IL1R2: variants seen among roughly 807,000 people sequenced by gnomAD.
IL1R2 encodes the protein interleukin 1 receptor type 2, also known as interleukin-1 receptor type 2.
In IL1R2, 46 loss-of-function variants were observed where a neutral mutation model predicts 39.5. The ratio of observed to expected loss-of-function variants is 1.16; its 90% CI spans 0.92 to 1.49. The LOEUF is 1.49. Ranked by LOEUF, IL1R2 falls within the 40% of genes most tolerant of loss-of-function variation. IL1R2 has a pLI of 0.00. For synonymous variants in IL1R2, 207 were observed against 189.6 expected, an observed-to-expected ratio of 1.09 and a Z score of -0.75; for missense variants, 537 against 502.0, an observed-to-expected ratio of 1.07 and a Z score of -0.67.
chr2:101,993,071 G>A (rs969907974), intron 1 of IL1R2, among the ~76,000 whole-genome samples: 3 of 152,044 alleles, frequency 2.0e-5, no homozygotes, highest in Admixed American at 6.5e-5. Flanking sequence ...CGTTTCTACC[G>A]CATGAGGCTG....
chr2:102,028,153 C>T (rs1458205169), intron 8 of IL1R2, 73 bp from the exon 9 acceptor site: 20 of 1,259,036 alleles, frequency 1.6e-5, no homozygotes, highest in Non-Finnish European at 1.9e-5. Flanking sequence ...TTATCTTGTA[C>T]ACCTGCATTG....
intron 8 of IL1R2, among the ~76,000 whole-genome samples, chr2:102,027,344 T>G (rs1677801665): frequency 6.6e-6 from 1 of 152,152 alleles, no homozygotes. Context: ...GTCAGATTAG[T>G]GAGCCCAAGG....
At chr2:102,016,078 C>G (rs1055098290) in intron 4 of IL1R2, 27 bp downstream of exon 4, 2 of 1,566,302 alleles carry the variant, frequency 1.3e-6, no homozygotes, top group African/African-American at 2.7e-5. Flanking sequence ...TGCCATTTTA[C>G]TAAAATGTGT....
intron 4 of IL1R2, among the ~76,000 whole-genome samples, chr2:102,017,265 T>C (rs892678744): frequency 6.6e-6 from 1 of 151,792 alleles, no homozygotes; most frequent in African/African-American, 2.4e-5. Context: ...GGCGTGGTAG[T>C]GGGTGCCAGT....
chr2:102,022,235 T>C lies in IL1R2; in HGVS notation c.737T>C (p.Ile246Thr). Residue 246 changes from isoleucine (I) to threonine (T), a missense_variant, in exon 6 of 9, where the codon ATA (isoleucine) becomes ACA (threonine). Coordinates refer to ENST00000332549, the MANE Select transcript of IL1R2 (RefSeq NM_004633.4). ...IPVIISPLKT[I>T]SASLGSRLTI... is the part of the protein sequence containing the mutation. Reference sequence around the variant, plus strand: ...GTGATCATTTCCCCCCTCAAGACCATATCAGCTTCTCTGGGTAAGGCCCAC... The same window carrying C: ...GTGATCATTTCCCCCCTCAAGACCACATCAGCTTCTCTGGGTAAGGCCCAC... 1 of 1,613,592 alleles carries C rather than the reference T, an allele frequency of 6.2e-7. No homozygotes were observed.
Position 102,024,682 on chromosome 2 carries a change from G to T in IL1R2, c.887+14G>T. ...GGGGCCACGCCAGTAAGTGGGCCAG[G>T]GTCTTCTGTTGAGAACTCTGTGGGT... On this transcript the variant is annotated intron_variant, in intron 7 of 8. Coordinates refer to ENST00000332549, the MANE Select transcript of IL1R2 (RefSeq NM_004633.4). 6.2e-7 allele frequency: 1 copy of T among 1,614,018 alleles called. No individual in the cohort carries two copies. The highest frequency in any genetic ancestry group is 8.5e-7 in the Non-Finnish European group (1 of 1,179,984).
At chr2:102,012,537 C>CTGTGTG (rs140697767) in intron 3 of IL1R2, among the ~76,000 whole-genome samples, 2,728 of 148,940 alleles carry the variant, frequency 0.018, 87 homozygotes, top group African/African-American at 0.063. Context: ...AGGGTGCCCT[C>CTGTGTG]TGTGTGTGTG....
intron 5 of IL1R2, 45 bp downstream of exon 5, chr2:102,019,857 C>A: frequency 5.3e-6 from 8 of 1,523,688 alleles, no homozygotes; most frequent in Non-Finnish European, 7.2e-6. Flanking sequence ...GGTTCAATAA[C>A]AAGCATGCAG....
At chr2:102,013,610 A>C in intron 3 of IL1R2, among the ~76,000 whole-genome samples, 1 of 146,640 alleles carries the variant, frequency 6.8e-6, no homozygotes, top group Admixed American at 6.8e-5. Flanking sequence ...AAAGAGAAAG[A>C]GTAGGCAGTC....
intron 8 of IL1R2, among the ~76,000 whole-genome samples, chr2:102,027,267 T>G (rs1677796719): frequency 6.6e-6 from 1 of 152,132 alleles, no homozygotes; most frequent in Non-Finnish European, 1.5e-5. Context: ...CATTTCCAGA[T>G]GAGCAGGCTG....
chr2:102,007,617 G>A (rs1003497404), intron 1 of IL1R2, among the ~76,000 whole-genome samples: 1 of 152,266 alleles, frequency 6.6e-6, no homozygotes, highest in East Asian at 1.9e-4. Context: ...GAAAAAACAT[G>A]GAATCACAGA....
chr2:102,001,038 C>G (rs1675831573), intron 1 of IL1R2, among the ~76,000 whole-genome samples: 1 of 152,118 alleles, frequency 6.6e-6, no homozygotes, highest in South Asian at 2.1e-4. Context: ...GAGGAGTGGT[C>G]TTGCTGGGTG....
At chr2:102,026,060 C>A (rs779498318) in intron 7 of IL1R2, 51 bp from the exon 8 acceptor site, 43 of 1,430,380 alleles carry the variant, frequency 3.0e-5, no homozygotes, top group Non-Finnish European at 3.9e-5. Context: ...TTGTGAAAGA[C>A]AAGCTTGCAT....
At chr2:101,998,015 T>C (rs558463253) in intron 1 of IL1R2, among the ~76,000 whole-genome samples, 1 of 152,298 alleles carries the variant, frequency 6.6e-6, no homozygotes, top group South Asian at 2.1e-4. Flanking sequence ...AGGCCTTTGC[T>C]CTCTCCCTTT....
In IL1R2 at chr2:101,991,979, C is replaced by G. The variant is rs930071491; in HGVS notation, c.-94C>G. 4 of 152,470 alleles carry G rather than the reference C, an allele frequency of 2.6e-5. No homozygotes were observed. Among genetic ancestry groups the G allele is most frequent in the African/African-American group, 7.3e-5 (3 of 41,316 alleles). The allele number at this position is 152,470 out of a possible 1,614,324, so 9.4% of individuals were successfully genotyped here. A position where few individuals can be genotyped will look rare whatever the true frequency, so the allele number is the denominator to read the frequency against. On this transcript the variant is annotated 5_prime_UTR_variant, in exon 1 of 9. Transcript: ENST00000332549. ...GCTCCTGCTGGAGGTGAAAGTCTGG[C>G]CTGGCAGCCTTCCCCAGGTGAGCAG... is the stretch of plus-strand genomic sequence containing the variant.
At chr2:102,019,076 C>A (rs551646418) in intron 4 of IL1R2, among the ~76,000 whole-genome samples, 16 of 152,184 alleles carry the variant, frequency 1.1e-4, no homozygotes, top group African/African-American at 2.9e-4. Context: ...TTCCTGGAGG[C>A]CTTGATCTTG....
At chr2:101,998,448 TC>T (rs1007555827) in intron 1 of IL1R2, among the ~76,000 whole-genome samples, 4 of 152,240 alleles carry the variant, frequency 2.6e-5, no homozygotes, top group South Asian at 4.1e-4. Flanking sequence ...GATTGAGCAT[TC>T]TGTTCACCTG....
At chr2:102,027,061 T>C (rs1677786753) in intron 8 of IL1R2, among the ~76,000 whole-genome samples, 1 of 152,166 alleles carries the variant, frequency 6.6e-6, no homozygotes, top group African/African-American at 2.4e-5. Flanking sequence ...CACCCAACTT[T>C]CCTCCAACTG....
rs1462731191 is a variant in IL1R2 at position 102,019,715 on chromosome 2, G to A, written c.591G>A (p.Val197=). The change falls in exon 5 of 9, where the codon GTG becomes GTA. Residue 197 remains valine (V), a synonymous_variant. Coordinates refer to ENST00000332549, the MANE Select transcript of IL1R2 (RefSeq NM_004633.4). Reference sequence around the variant, plus strand: ...CCACTCACTTACTCGTACACGATGTGGCCCTGGAAGATGCTGGCTATTACC... The same window carrying A: ...CCACTCACTTACTCGTACACGATGTAGCCCTGGAAGATGCTGGCTATTACC... ...RGTTHLLVHD[V]ALEDAGYYRC... 40 of 1,613,826 alleles carry A rather than the reference G, an allele frequency of 2.5e-5. No individual in the cohort carries two copies. In the Admixed American group the frequency reaches 6.7e-4, roughly 27 times the overall value.
Sources: allele counts gnomAD v4.1 joint callset (sites outside exome capture counted in the v4.1 genomes callset), GRCh38; gene constraint gnomAD v4.1.1; transcripts MANE v1.5; gene names NCBI Gene and HGNC (gene_info 2026-07-23, HGNC 2026-07-21).